ZNF335: variants seen among roughly 807,000 people sequenced by gnomAD.
The protein encoded by ZNF335 is zinc finger protein 335.
In ZNF335, 84 loss-of-function variants were observed where a neutral mutation model predicts 145.6. That is an observed-to-expected ratio of 0.58 (90% CI 0.48 to 0.69). The LOEUF is 0.69. Ranked by LOEUF, ZNF335 falls within the 30% of genes least tolerant of loss-of-function variation. The pLI, the probability that ZNF335 is intolerant of heterozygous loss-of-function variation, is 0.00. For synonymous variants in ZNF335, 761 were observed against 717.0 expected (o/e 1.06, Z -0.98); for missense variants, 1,865 against 1,809.7 (o/e 1.03, Z -0.55).
chr20:45,960,121 G>C, intron 14 of ZNF335, 87 bp downstream of exon 14: 1 of 1,469,124 alleles, frequency 6.8e-7, no homozygotes, highest in African/African-American at 1.4e-5. Context: ...TACCGAGGGG[G>C]AAGGAAGAGG....
chr20:45,971,006 A>G (rs1364608046), intron 2 of ZNF335, among the ~76,000 whole-genome samples: 1 of 152,136 alleles, frequency 6.6e-6, no homozygotes, highest in Non-Finnish European at 1.5e-5. Flanking sequence ...CTTTTCTATA[A>G]GATGTGGGAA....
chr20:45,971,569 A>C (rs2084068621), intron 1 of ZNF335, 109 bp from the exon 2 acceptor site: 1 of 1,451,582 alleles, frequency 6.9e-7, no homozygotes, highest in African/African-American at 1.4e-5. Flanking sequence ...GCGAAGATTG[A>C]GTCTCCGACG....
chr20:45,953,726 T>C lies in ZNF335; in HGVS notation c.2665A>G (p.Met889Val), dbSNP rs1278392987. ...CCAGGAGCTGATGTTCCCTCCTCCA[T>C]AGGGGGTGCTGTGATGACACTGTAG... Reference protein sequence around the residue: ...TGYSVITAPPMEEGTSAPGTP... With the variant: ...TGYSVITAPPVEEGTSAPGTP... Residue 889 changes from methionine to valine, a missense_variant, in exon 18 of 28, where the codon ATG becomes GTG. Met to Val is a conservative substitution (Grantham distance 21). Coordinates refer to ENST00000322927, the MANE Select transcript of ZNF335 (RefSeq NM_022095.4). 9 of 1,613,928 alleles carry C rather than the reference T, an allele frequency of 5.6e-6. No individual in the cohort carries two copies. Among genetic ancestry groups the C allele is most frequent in the Non-Finnish European group, 7.6e-6 (9 of 1,179,998 alleles).
chr20:45,959,164 C>T, intron 15 of ZNF335, 37 bp downstream of exon 15: 1 of 1,321,636 alleles, frequency 7.6e-7, no homozygotes, highest in Non-Finnish European at 9.8e-7. Context: ...GGAGAAGCGG[C>T]CTCACTCTGT....
rs777764325 is a variant in ZNF335 at position 45,949,213 on chromosome 20, G to A, written c.3858C>T (p.Val1286=). Residue 1286 remains valine, a synonymous_variant, in exon 27 of 28, where the codon GTC becomes GTT. Coordinates refer to ENST00000322927, the MANE Select transcript of ZNF335 (RefSeq NM_022095.4). ...YVPVSPGQQL[V]TQAQLEAAAH... ...CTGCAGCCTCAAGTTGAGCCTGTGT[G>A]ACAAGCTGCTGGCCTGGGGACACAG... The A allele has an allele frequency of 3.1e-6, 5 of 1,613,788 alleles. No homozygotes were observed. In the African/African-American group the frequency reaches 6.7e-5, roughly 22 times the overall value.
At position 45,963,476 on chromosome 20, in the gene ZNF335, G is replaced by C; in HGVS notation, c.1530C>G (p.Leu510=). 4 of 1,610,930 alleles carry C rather than the reference G, an allele frequency of 2.5e-6. No individual in the cohort carries two copies. ...CAAGCCTCTTTGGCTCCCGCACCTT[G>C]AGCGAGGACCAGCGGCGGGAACGAT... ...CSYRSRRWSS[L]KEHMFNHVGS... is the part of the protein sequence containing the mutation. The change falls in exon 9 of 28, where the codon CTC becomes CTG. Residue 510 remains leucine, a synonymous_variant. Transcript: ENST00000322927.
Position 45,952,644 on chromosome 20 carries a change from G to A in ZNF335, c.2768C>T (p.Thr923Ile), listed in dbSNP as rs761938753. 1 of 1,613,944 alleles carries A rather than the reference G, an allele frequency of 6.2e-7. No homozygotes were observed. Among genetic ancestry groups the A allele is most frequent in the African/African-American group, 1.3e-5 (1 of 75,042 alleles). ...VVSDTLKEAG[T>I]HYIMATDGTQ... ...ACCATCAGTAGCCATGATGTAGTGG[G>A]TGCCAGCTTCTTTTAGGGTGTCACT... Residue 923 changes from threonine (T) to isoleucine (I), a missense_variant, in exon 19 of 28, where the codon ACC becomes ATC. Transcript: ENST00000322927.
At chr20:45,958,318 A>G (rs2083765964) in intron 15 of ZNF335, among the ~76,000 whole-genome samples, 2 of 152,214 alleles carry the variant, frequency 1.3e-5, no homozygotes, top group Non-Finnish European at 2.9e-5. Context: ...AAGTGCTGGG[A>G]TTACAGGCAT....
rs752579098 is a variant in ZNF335, at chr20:45,967,527, T to C, written c.922A>G (p.Ile308Val). 5.0e-6 allele frequency: 8 copies of C among 1,614,042 alleles called. No homozygotes were observed. The highest frequency in any genetic ancestry group is 4.4e-5 in the South Asian group (4 of 91,068). Residue 308 changes from isoleucine (I) to valine (V), a missense_variant, in exon 6 of 28, where the codon ATT becomes GTT. Physicochemically the swap from Ile to Val is conservative, Grantham distance 29. Transcript: ENST00000322927. ...EGPEEEDDDDIVDAGAIDDLE... is the reference protein window; with the variant it reads ...EGPEEEDDDDVVDAGAIDDLE... The stretch of plus-strand genomic sequence containing the variant: ...TCATCAATGGCTCCAGCGTCTACAA[T>C]GTCATCATCGTCCTCCTCCTCTGGT...
chr20:45,951,515 G>C (rs1003742508), intron 20 of ZNF335, among the ~76,000 whole-genome samples: 2 of 152,258 alleles, frequency 1.3e-5, no homozygotes, highest in Non-Finnish European at 2.9e-5. Flanking sequence ...CATGTGCAGG[G>C]TGATAGTTTT....
chr20:45,971,912 G>A, intron 1 of ZNF335: 1 of 985,390 alleles, frequency 1.0e-6, no homozygotes, highest in South Asian at 4.7e-5. Context: ...GGCTGTCCCC[G>A]GCGCTGCCTG....
intron 17 of ZNF335, among the ~76,000 whole-genome samples, chr20:45,957,135 A>G (rs1189208510): frequency 6.6e-6 from 1 of 152,126 alleles, no homozygotes; most frequent in Admixed American, 6.5e-5. Flanking sequence ...TGCATGAACC[A>G]AGACCCCTGG....
chr20:45,958,705 G>A (rs1188295182), intron 15 of ZNF335, among the ~76,000 whole-genome samples: 1 of 152,180 alleles, frequency 6.6e-6, no homozygotes, highest in Non-Finnish European at 1.5e-5. Flanking sequence ...ACTAAGCAAC[G>A]ATCTTCAGGT....
intron 1 of ZNF335, 30 bp from the exon 2 acceptor site, chr20:45,971,490 A>C: frequency 6.4e-7 from 1 of 1,557,574 alleles, no homozygotes; most frequent in Non-Finnish European, 8.6e-7. Context: ...TGGCTGGAAC[A>C]AGTGGGCCAT....
chr20:45,968,791 G>T, intron 3 of ZNF335: 1 of 168,088 alleles, frequency 5.9e-6, no homozygotes, highest in Non-Finnish European at 1.3e-5. Context: ...ACAGCACCAT[G>T]TGTCACGGCT....
At chr20:45,957,434 A>G (rs1600529536) in intron 17 of ZNF335, 152 bp downstream of exon 17, 2 of 707,530 alleles carry the variant, frequency 2.8e-6, no homozygotes, top group Admixed American at 5.3e-5. Flanking sequence ...CTGTTTGCCC[A>G]CCAGACTTCA....
intron 17 of ZNF335, among the ~76,000 whole-genome samples, chr20:45,955,019 A>G (rs2083701262): frequency 6.6e-6 from 1 of 152,040 alleles, no homozygotes; most frequent in African/African-American, 2.4e-5. Context: ...TTGGCCTCCC[A>G]AAGTGCTGGG....
intron 4 of ZNF335, 105 bp from the exon 5 acceptor site, chr20:45,968,132 T>C (rs1449376483): frequency 6.5e-7 from 1 of 1,538,142 alleles, no homozygotes; most frequent in Admixed American, 1.7e-5. Context: ...AGAACCAAAT[T>C]CCCCACCAGA....
intron 10 of ZNF335, among the ~76,000 whole-genome samples, chr20:45,961,295 G>A (rs1383903404): frequency 6.6e-6 from 1 of 152,174 alleles, no homozygotes; most frequent in Non-Finnish European, 1.5e-5. Flanking sequence ...GAAGGCTGAA[G>A]CAGAAAGATC....
Sources: allele counts gnomAD v4.1 joint callset (sites outside exome capture counted in the v4.1 genomes callset), GRCh38; gene constraint gnomAD v4.1.1; transcripts MANE v1.5; gene names NCBI Gene and HGNC (gene_info 2026-07-23, HGNC 2026-07-21).